The following GLIS3 variants were observed in gnomAD, a reference collection of about 807,000 sequenced individuals.
GLIS3 encodes GLIS family zinc finger 3, also known as zinc finger protein GLIS3.
In GLIS3, 53 loss-of-function variants were observed where a neutral mutation model predicts 78.6. The ratio of observed to expected loss-of-function variants is 0.67; its 90% confidence interval spans 0.54 to 0.85. GLIS3 has a LOEUF of 0.85. GLIS3 is among the 40% of genes least tolerant of loss of function. GLIS3 has a pLI of 0.00. For synonymous variants in GLIS3, 684 were observed against 509.9 expected (o/e 1.34, Z -4.60); for missense variants, 1,703 against 1,231.1 (o/e 1.38, Z -5.74).
chr9:4,119,346 A>T (rs1832009263), intron 3 of GLIS3, among the ~76,000 whole-genome samples: 1 of 152,232 alleles, frequency 6.6e-6, no homozygotes, highest in African/African-American at 2.4e-5. Context: ...TGGGAAAGTA[A>T]CATATAAACT....
At chr9:4,075,938 G>A (rs1286951368) in intron 4 of GLIS3, among the ~76,000 whole-genome samples, 1 of 152,146 alleles carries the variant, frequency 6.6e-6, no homozygotes, top group Non-Finnish European at 1.5e-5. Context: ...CAGAGAAGTG[G>A]CTCCTTAGGC....
chr9:4,242,641 A>G (rs1008476082), intron 2 of GLIS3, among the ~76,000 whole-genome samples: 9 of 152,160 alleles, frequency 5.9e-5, no homozygotes, highest in Non-Finnish European at 7.3e-5. Flanking sequence ...GGGACATTCT[A>G]TATCTGTGCA....
chr9:4,479,756 G>T, the GLIS3 span, among the ~76,000 whole-genome samples: 2 of 152,064 alleles, frequency 1.3e-5, no homozygotes, highest in African/African-American at 4.8e-5. Flanking sequence ...CCTATCTGGG[G>T]AGTGGGAGAC....
chr9:4,286,797 T>C (rs1273632833), intron 1 of GLIS3, among the ~76,000 whole-genome samples: 1 of 152,192 alleles, frequency 6.6e-6, no homozygotes, highest in Non-Finnish European at 1.5e-5. Context: ...AACAATCTAC[T>C]GGTGCCAGCT....
chr9:4,423,760 G>A, the GLIS3 span, among the ~76,000 whole-genome samples: 1 of 152,096 alleles, frequency 6.6e-6, no homozygotes, highest in Non-Finnish European at 1.5e-5. Flanking sequence ...CTTCTATCAG[G>A]CTATCTTTCC....
At chr9:3,854,883 A>G (rs6476710) in intron 9 of GLIS3, among the ~76,000 whole-genome samples, 151,804 of 152,330 alleles carry the variant, frequency 1, 75,644 homozygotes, top group Middle Eastern at 1. Flanking sequence ...CCATAGTACT[A>G]GTTGATTCTG....
the GLIS3 span, among the ~76,000 whole-genome samples, chr9:4,476,450 C>CT: frequency 3.3e-5 from 5 of 152,076 alleles, no homozygotes; most frequent in African/African-American, 1.2e-4. Flanking sequence ...CAACCTCCGC[C>CT]TCCTGGGTTC....
chr9:3,966,888 C>G (rs1452610502), intron 4 of GLIS3, among the ~76,000 whole-genome samples: 1 of 151,574 alleles, frequency 6.6e-6, no homozygotes, highest in Non-Finnish European at 1.5e-5. Context: ...AGTAAATTAA[C>G]TGAGGTCTGC....
At chr9:4,454,179 A>T in the GLIS3 span, among the ~76,000 whole-genome samples, 3 of 151,350 alleles carry the variant, frequency 2.0e-5, no homozygotes, top group East Asian at 5.8e-4. Flanking sequence ...AAGAAGAAAG[A>T]AAAAAACCAG....
At chr9:4,234,077 G>A (rs1049447538) in intron 2 of GLIS3, among the ~76,000 whole-genome samples, 8 of 152,156 alleles carry the variant, frequency 5.3e-5, no homozygotes, top group Admixed American at 2.6e-4. Context: ...AGGGAATTTT[G>A]TGGTCAGTAT....
At chr9:4,254,086 T>TG (rs1163369336) in intron 2 of GLIS3, among the ~76,000 whole-genome samples, 1 of 152,236 alleles carries the variant, frequency 6.6e-6, no homozygotes, top group East Asian at 1.9e-4. Context: ...AATTTAATGA[T>TG]GACTGGTTAA....
At chr9:4,235,223 C>T (rs895951682) in intron 2 of GLIS3, among the ~76,000 whole-genome samples, 3 of 147,570 alleles carry the variant, frequency 2.0e-5, no homozygotes, top group Non-Finnish European at 3.0e-5. Context: ...CGCTTGAACC[C>T]GGGAGGCGGA....
intron 4 of GLIS3, among the ~76,000 whole-genome samples, chr9:4,060,823 CAT>C (rs1190613720): frequency 1.3e-5 from 2 of 152,118 alleles, no homozygotes; most frequent in African/African-American, 4.8e-5. Context: ...AGACATGTGA[CAT>C]ATTAATTTAT....
At chr9:3,854,534 G>A (rs111362681) in intron 9 of GLIS3, among the ~76,000 whole-genome samples, 1,185 of 96,678 alleles carry the variant, frequency 0.012, 24 homozygotes, top group African/African-American at 0.033. Context: ...AGGCCTTTAC[G>A]TTGATGTTCT....
chr9:3,951,884 A>G (rs1563884385), intron 4 of GLIS3, among the ~76,000 whole-genome samples: 2 of 145,060 alleles, frequency 1.4e-5, no homozygotes, highest in African/African-American at 5.1e-5. Context: ...ACACACACAC[A>G]CGCACGCACA....
the GLIS3 span, among the ~76,000 whole-genome samples, chr9:4,376,108 C>T: frequency 6.6e-6 from 1 of 152,176 alleles, no homozygotes; most frequent in Non-Finnish European, 1.5e-5. Flanking sequence ...GTTGGGTTAG[C>T]AATCTGGATT....
chr9:3,913,344 C>T (rs544400554), intron 6 of GLIS3, among the ~76,000 whole-genome samples: 1 of 152,228 alleles, frequency 6.6e-6, no homozygotes, highest in Non-Finnish European at 1.5e-5. Flanking sequence ...CTATACTCAA[C>T]AGTCAGTATA....
chr9:4,398,280 T>C, the GLIS3 span, among the ~76,000 whole-genome samples: 105 of 152,174 alleles, frequency 6.9e-4, 2 homozygotes, highest in Non-Finnish European at 1.1e-3. Context: ...ACATCCTTGA[T>C]ACTCAAAATA....
chr9:4,012,765 C>CTTTTTTTTTTTTTTTTTTTTTTTTTTTT (rs71324278), intron 4 of GLIS3, among the ~76,000 whole-genome samples: 1 of 66,494 alleles, frequency 1.5e-5, no homozygotes, highest in African/African-American at 5.5e-5. Flanking sequence ...TTTTCTTTTT[C>CTTTTTTTTTTTTTTTTTTTTTTTTTTTT]TTTTTTTTTT....
Sources: gnomAD v4.1 joint callset for allele counts (sites outside exome capture counted in the v4.1 genomes callset) on GRCh38, gnomAD v4.1.1 for gene constraint, MANE v1.5 for transcripts, NCBI Gene and HGNC (gene_info 2026-07-23, HGNC 2026-07-21) for gene names.